SLC16A10: variants seen among roughly 807,000 people sequenced by gnomAD.
SLC16A10 encodes solute carrier family 16 member 10.
SLC16A10 carries 27 observed loss-of-function variants against 40.0 expected under a neutral mutation model. That is an observed-to-expected ratio of 0.67 (90% confidence interval 0.50 to 0.93). The LOEUF (loss-of-function observed/expected upper bound fraction) is 0.93, where lower values mean the gene tolerates loss of function less well. Among genes scored for constraint, SLC16A10 ranks in the 40% least tolerant of loss-of-function variants. SLC16A10 has a pLI of 0.00. For missense variants in SLC16A10, 529 were observed against 658.2 expected (o/e 0.80, Z 2.15); for synonymous variants, 213 against 249.8 (o/e 0.85, Z 1.39).
At chr6:111,108,046 G>A (rs1285726958) in intron 1 of SLC16A10, among the ~76,000 whole-genome samples, 1 of 150,504 alleles carries the variant, frequency 6.6e-6, no homozygotes, top group Non-Finnish European at 1.5e-5. Flanking sequence ...TTTAGTTGGA[G>A]TCTTACTTTG....
rs1023138212 is a variant in SLC16A10 at position 111,225,482 on chromosome 6, A to T, written c.*3247A>T. 1 of 151,040 alleles carries T rather than the reference A, an allele frequency of 6.6e-6. No individual in the cohort carries two copies. The highest frequency in any genetic ancestry group is 2.4e-5 in the African/African-American group (1 of 41,004). 9.4% of individuals were successfully genotyped at this position (151,040 alleles called of 1,614,324 possible). A position where few individuals can be genotyped will look rare whatever the true frequency, so the allele number is the denominator to read the frequency against. Reference sequence around the variant, plus strand: ...GAGGCAGGAGAAGAATCCAGGAGGCAGAGGTTGCAGTGAGGCGAGATTGCG... The same window carrying T: ...GAGGCAGGAGAAGAATCCAGGAGGCTGAGGTTGCAGTGAGGCGAGATTGCG... On this transcript the variant is annotated 3_prime_UTR_variant, in exon 6 of 6. Transcript: ENST00000368851.
At chr6:111,129,492 G>GT (rs1771743286) in intron 1 of SLC16A10, among the ~76,000 whole-genome samples, 1 of 152,186 alleles carries the variant, frequency 6.6e-6, no homozygotes, top group Non-Finnish European at 1.5e-5. Context: ...ATAGTTACAT[G>GT]TTATAAAGCC....
intron 1 of SLC16A10, among the ~76,000 whole-genome samples, chr6:111,092,048 A>G (rs1770984907): frequency 6.6e-6 from 1 of 152,084 alleles, no homozygotes; most frequent in Admixed American, 6.5e-5. Flanking sequence ...TTCTAAGGTC[A>G]TTTCAACAGG....
rs768192555 is a variant in SLC16A10 at position 111,172,851 on chromosome 6, G to A, written c.488+12G>A. 3 of 1,608,390 alleles carry A rather than the reference G, an allele frequency of 1.9e-6. No individual in the cohort carries two copies. Among genetic ancestry groups the A allele is most frequent in the Non-Finnish European group, 8.5e-7 (1 of 1,176,848 alleles). ...AGTTCTTTTGTAAGGTAAGGACTTG[G>A]TTTTTTCATGTTGCTTTTTAAAAAC... On this transcript the variant is annotated intron_variant, in intron 2 of 5. Coordinates refer to ENST00000368851, the MANE Select transcript of SLC16A10 (RefSeq NM_018593.5).
intron 1 of SLC16A10, among the ~76,000 whole-genome samples, chr6:111,144,672 T>G (rs1772044981): frequency 6.6e-6 from 1 of 152,260 alleles, no homozygotes; most frequent in East Asian, 1.9e-4. Context: ...AGAATTGCAG[T>G]GAGGTATGAT....
intron 1 of SLC16A10, among the ~76,000 whole-genome samples, chr6:111,102,105 A>G (rs1771201541): frequency 6.6e-6 from 1 of 152,236 alleles, no homozygotes; most frequent in African/African-American, 2.4e-5. Context: ...AGTAGCAGGC[A>G]GTGTTGTACA....
intron 3 of SLC16A10, among the ~76,000 whole-genome samples, chr6:111,181,944 T>G (rs1010804896): frequency 1.3e-5 from 2 of 152,068 alleles, no homozygotes; most frequent in African/African-American, 2.4e-5. Flanking sequence ...GCCTGAGAGT[T>G]GTTTTGTTTT....
intron 1 of SLC16A10, among the ~76,000 whole-genome samples, chr6:111,097,374 T>G (rs926005239): frequency 2.0e-5 from 3 of 152,186 alleles, no homozygotes; most frequent in Middle Eastern, 6.8e-3. Flanking sequence ...TGCAGTGGCG[T>G]GATCTCGGCT....
intron 4 of SLC16A10, among the ~76,000 whole-genome samples, chr6:111,208,614 A>G (rs1350226773): frequency 6.6e-6 from 1 of 151,940 alleles, no homozygotes; most frequent in Non-Finnish European, 1.5e-5. Context: ...AACTGTGAAG[A>G]GTGGAATGGA....
chr6:111,181,721 G>A (rs910049440), intron 3 of SLC16A10, among the ~76,000 whole-genome samples: 1 of 152,222 alleles, frequency 6.6e-6, no homozygotes, highest in Non-Finnish European at 1.5e-5. Context: ...TGCTTTCAAA[G>A]TGAGGTTGGA....
chr6:111,199,731 T>A (rs1319675423), intron 3 of SLC16A10, among the ~76,000 whole-genome samples: 1 of 151,962 alleles, frequency 6.6e-6, no homozygotes, highest in Non-Finnish European at 1.5e-5. Context: ...TGGTTGGTAA[T>A]TCCTCTAGGA....
chr6:111,174,115 G>A (rs1772635655), intron 2 of SLC16A10, among the ~76,000 whole-genome samples: 1 of 152,132 alleles, frequency 6.6e-6, no homozygotes, highest in Non-Finnish European at 1.5e-5. Context: ...GACAAACACT[G>A]ATTTAATATG....
At chr6:111,131,424 G>C (rs369257002) in intron 1 of SLC16A10, among the ~76,000 whole-genome samples, 13 of 152,198 alleles carry the variant, frequency 8.5e-5, no homozygotes, top group South Asian at 4.1e-4. Flanking sequence ...CCGCCATCTT[G>C]GAAGCAGCCC....
intron 1 of SLC16A10, among the ~76,000 whole-genome samples, chr6:111,159,316 T>A (rs1213552786): frequency 6.6e-6 from 1 of 152,202 alleles, no homozygotes; most frequent in African/African-American, 2.4e-5. Flanking sequence ...ATTTAGGTTA[T>A]TTCCAGATTT....
At chr6:111,157,487 T>C (rs1772292198) in intron 1 of SLC16A10, among the ~76,000 whole-genome samples, 1 of 152,046 alleles carries the variant, frequency 6.6e-6, no homozygotes, top group Non-Finnish European at 1.5e-5. Context: ...TTTCATTATG[T>C]TGGCCAGACT....
chr6:111,206,143 A>G (rs1321713059), intron 3 of SLC16A10, among the ~76,000 whole-genome samples: 1 of 151,726 alleles, frequency 6.6e-6, no homozygotes, highest in African/African-American at 2.4e-5. Context: ...CAGTTGTGCA[A>G]TCAGCTCACT....
At chr6:111,196,728 A>G (rs2114572790) in intron 3 of SLC16A10, among the ~76,000 whole-genome samples, 1 of 152,308 alleles carries the variant, frequency 6.6e-6, no homozygotes, top group South Asian at 2.1e-4. Context: ...CTCTGTGTAG[A>G]GCATTGAAAT....
Position 111,094,927 on chromosome 6 carries a change from T to A in SLC16A10, c.343+6832T>A, listed in dbSNP as rs530818556. 1.5e-3 allele frequency among the ~76,000 whole-genome samples: 230 copies of A among 152,334 alleles called. 1 individual carries two copies. Among genetic ancestry groups the A allele is most frequent in the Non-Finnish European group, 2.2e-3 (148 of 68,030 alleles). ...AAGTGTTGGGACTACAGGCGGGACC[T>A]ACTGTGCCTGGCCACCTTCATTACT... On this transcript the variant is annotated intron_variant, in intron 1 of 5. Coordinates refer to ENST00000368851, the MANE Select transcript of SLC16A10 (RefSeq NM_018593.5).
Position 111,230,395 on chromosome 6 carries a change from A to G in SLC16A10, c.*8160A>G, listed in dbSNP as rs1201880512. The G allele has an allele frequency of 6.6e-6, 1 of 152,212 alleles. No homozygotes were observed. Among genetic ancestry groups the G allele is most frequent in the Non-Finnish European group, 1.5e-5 (1 of 68,042 alleles). The allele number at this position is 152,212 out of a possible 1,614,324, so 9.4% of individuals were successfully genotyped here. On this transcript the variant is annotated 3_prime_UTR_variant, in exon 6 of 6. Transcript: ENST00000368851. ...TACACACTCTCATTTTCCTAATTAG[A>G]AAGACTATGCATTCACAATCCAGTA...
Sources: gnomAD v4.1 joint callset for allele counts (sites outside exome capture counted in the v4.1 genomes callset) on GRCh38, gnomAD v4.1.1 for gene constraint, MANE v1.5 for transcripts, NCBI Gene and HGNC (gene_info 2026-07-23, HGNC 2026-07-21) for gene names.